The following ZNF600 variants were observed in gnomAD, a reference collection of about 807,000 sequenced individuals.
ZNF600 encodes zinc finger protein 600, also known as zinc finger protein KR-ZNF1.
In ZNF600, 4 loss-of-function variants were observed where a neutral mutation model predicts 7.3. The ratio of observed to expected loss-of-function variants is 0.55; its 90% CI spans 0.27 to 1.25. The LOEUF is 1.25. ZNF600 is among the 50% of genes most tolerant of loss of function. The pLI is 0.12. For synonymous variants in ZNF600, 290 were observed against 308.9 expected (o/e 0.94, Z 0.64); for missense variants, 911 against 922.1 (o/e 0.99, Z 0.16).
chr19:52,817,682 C>T, the ZNF600 span, among the ~76,000 whole-genome samples: 2 of 152,186 alleles, frequency 1.3e-5, no homozygotes, highest in Admixed American at 6.5e-5. Flanking sequence ...ACTGACACCA[C>T]GGGACCCTCA....
At chr19:52,789,436 C>T (rs765514241), upstream of ZNF600, among the ~76,000 whole-genome samples, 1 of 152,202 alleles carries the variant, frequency 6.6e-6, no homozygotes, top group Non-Finnish European at 1.5e-5. Context: ...TTTATGTATA[C>T]ATGTAACTTT....
the ZNF600 span, among the ~76,000 whole-genome samples, chr19:52,829,121 C>T: frequency 1.5e-3 from 226 of 152,250 alleles, 1 homozygote; most frequent in African/African-American, 5.0e-3. Flanking sequence ...GCCTCGGCCT[C>T]CCAAAGTGCT....
intron 3 of ZNF600, among the ~76,000 whole-genome samples, chr19:52,771,689 G>T (rs2062631524): frequency 1.3e-5 from 2 of 152,184 alleles, no homozygotes; most frequent in Admixed American, 1.3e-4. Context: ...TGTTGGCCAG[G>T]CTGGTCTTGA....
the ZNF600 span, chr19:52,810,029 G>A: frequency 4.0e-6 from 3 of 743,278 alleles, no homozygotes; most frequent in Non-Finnish European, 7.3e-6. Context: ...AGCCCGAAGA[G>A]GAGCCGCTCC....
At chr19:52,765,646 T>G (rs369298585) in exon 4 of ZNF600, 1 of 1,614,018 alleles carries the variant, frequency 6.2e-7, no homozygotes, top group Non-Finnish European at 8.5e-7. Flanking sequence ...GACTGCTTGC[T>G]AAAGGCTTTG....
chr19:52,819,708 T>C, the ZNF600 span, among the ~76,000 whole-genome samples: 1 of 142,830 alleles, frequency 7.0e-6, no homozygotes, highest in Non-Finnish European at 1.5e-5. Flanking sequence ...GGACTGGTCT[T>C]ATCATCCCAT....
At chr19:52,813,466 G>C in the ZNF600 span, among the ~76,000 whole-genome samples, 1 of 121,006 alleles carries the variant, frequency 8.3e-6, no homozygotes, top group African/African-American at 4.0e-5. Flanking sequence ...GGCTGCTCCA[G>C]GGTAGGCGGG....
intron 2 of ZNF600, among the ~76,000 whole-genome samples, chr19:52,777,672 A>C (rs1231942827): frequency 6.6e-6 from 1 of 152,094 alleles, no homozygotes; most frequent in Non-Finnish European, 1.5e-5. Flanking sequence ...TCAAATAAAA[A>C]TACAAAAATT....
chr19:52,779,934 T>G (rs1446146073), intron 1 of ZNF600, among the ~76,000 whole-genome samples: 2 of 152,094 alleles, frequency 1.3e-5, no homozygotes, highest in African/African-American at 2.4e-5. Context: ...GAGAATCACT[T>G]GAACCCAGGA....
At chr19:52,787,783 C>A (rs2062777701), upstream of ZNF600, among the ~76,000 whole-genome samples, 1 of 147,878 alleles carries the variant, frequency 6.8e-6, no homozygotes, top group Non-Finnish European at 1.5e-5. Flanking sequence ...TGGAGTGAAC[C>A]CGGGAGGCGG....
upstream of ZNF600, among the ~76,000 whole-genome samples, chr19:52,787,651 G>A (rs1440419343): frequency 1.3e-5 from 2 of 151,446 alleles, no homozygotes; most frequent in South Asian, 2.1e-4. Context: ...GAGGTCAGGA[G>A]ATCGAGACCA....
At chr19:52,768,439 C>CAA (rs34209404) in intron 3 of ZNF600, among the ~76,000 whole-genome samples, 5 of 66,998 alleles carry the variant, frequency 7.5e-5, no homozygotes, top group African/African-American at 2.3e-4. Context: ...GACTCCACCT[C>CAA]AAAAAAAAAA....
chr19:52,806,950 G>A, the ZNF600 span, among the ~76,000 whole-genome samples: 2 of 152,062 alleles, frequency 1.3e-5, no homozygotes, highest in South Asian at 4.1e-4. Context: ...AGAGATAAGC[G>A]GGGGCAAAGA....
chr19:52,787,261 A>G (rs10423402), upstream of ZNF600, among the ~76,000 whole-genome samples: 6,905 of 151,756 alleles, frequency 0.046, 388 homozygotes, highest in African/African-American at 0.13. Flanking sequence ...TGCGGGCACG[A>G]GGCGGAAGCC....
the ZNF600 span, among the ~76,000 whole-genome samples, chr19:52,828,451 G>A: frequency 6.6e-6 from 1 of 152,038 alleles, no homozygotes; most frequent in Admixed American, 6.6e-5. Flanking sequence ...TGGGTAACAG[G>A]GAGAGACTTT....
chr19:52,796,400 G>A, the ZNF600 span, among the ~76,000 whole-genome samples: 6 of 152,154 alleles, frequency 3.9e-5, no homozygotes, highest in East Asian at 1.9e-4. Flanking sequence ...GGGGGCTTCC[G>A]GGTCACAGGT....
At chr19:52,794,681 G>A in the ZNF600 span, among the ~76,000 whole-genome samples, 5 of 152,072 alleles carry the variant, frequency 3.3e-5, no homozygotes, top group East Asian at 1.9e-4. Context: ...TGGTGAAACC[G>A]CGTCTCTACC....
At chr19:52,787,229 T>C (rs1438219684), upstream of ZNF600, among the ~76,000 whole-genome samples, 1 of 152,120 alleles carries the variant, frequency 6.6e-6, no homozygotes, top group East Asian at 1.9e-4. Context: ...GGTCACCACC[T>C]GCTGCCTAAA....
intron 1 of ZNF600, among the ~76,000 whole-genome samples, chr19:52,786,292 A>G (rs1289119595): frequency 2.0e-5 from 3 of 152,010 alleles, no homozygotes; most frequent in East Asian, 3.9e-4. Context: ...ACGGCACCCT[A>G]AGACAAAGGT....
Sources: gnomAD v4.1 joint callset for allele counts (sites outside exome capture counted in the v4.1 genomes callset) on GRCh38, gnomAD v4.1.1 for gene constraint, MANE v1.5 for transcripts, NCBI Gene and HGNC (gene_info 2026-07-23, HGNC 2026-07-21) for gene names.